FIRRM: variants seen among roughly 807,000 people sequenced by gnomAD.
FIRRM encodes the protein FIGNL1 interacting regulator of recombination and mitosis.
At chr1:169,818,629 T>C in the FIRRM span, among the ~76,000 whole-genome samples, 4 of 152,206 alleles carry the variant, frequency 2.6e-5, no homozygotes, top group Non-Finnish European at 4.4e-5. Context: ...ACAATACATA[T>C]AAATATACAG....
At chr1:169,828,723 A>T in the FIRRM span, among the ~76,000 whole-genome samples, 1 of 151,480 alleles carries the variant, frequency 6.6e-6, no homozygotes, top group African/African-American at 2.4e-5. Context: ...TAATTTTTAA[A>T]TTTTTTCTAG....
chr1:169,849,068 A>T, the FIRRM span, among the ~76,000 whole-genome samples: 35 of 152,260 alleles, frequency 2.3e-4, no homozygotes, highest in African/African-American at 8.4e-4. Context: ...GCAGTATATT[A>T]AATGGTGGTG....
At chr1:169,808,171 A>G in the FIRRM span, among the ~76,000 whole-genome samples, 1 of 152,022 alleles carries the variant, frequency 6.6e-6, no homozygotes, top group Non-Finnish European at 1.5e-5. Flanking sequence ...TTTGCTTGGT[A>G]ACTGGTTGGT....
chr1:169,811,869 T>TAGATTAGA, the FIRRM span, among the ~76,000 whole-genome samples: 1 of 142,702 alleles, frequency 7.0e-6, no homozygotes, highest in African/African-American at 2.7e-5. Context: ...GATAGATAGA[T>TAGATTAGA]TAGATAGATA....
At chr1:169,848,501 C>T in the FIRRM span, among the ~76,000 whole-genome samples, 3 of 152,172 alleles carry the variant, frequency 2.0e-5, no homozygotes, top group Non-Finnish European at 4.4e-5. Context: ...ACATTATAGA[C>T]AGTATCTCAG....
At chr1:169,798,276 C>T in the FIRRM span, among the ~76,000 whole-genome samples, 3 of 147,976 alleles carry the variant, frequency 2.0e-5, no homozygotes, top group African/African-American at 4.9e-5. Flanking sequence ...AAGACCGTCT[C>T]TCTTTTTTTT....
At chr1:169,803,016 A>G in the FIRRM span, among the ~76,000 whole-genome samples, 2 of 152,226 alleles carry the variant, frequency 1.3e-5, no homozygotes, top group African/African-American at 2.4e-5. Flanking sequence ...CAGTTGTTCC[A>G]GTATTTGTAG....
At chr1:169,784,858 T>A in the FIRRM span, 20 of 152,182 alleles carry the variant, frequency 1.3e-4, no homozygotes, top group Non-Finnish European at 2.6e-4. Flanking sequence ...TTCTTATAAG[T>A]GGTAATTTTT....
At chr1:169,830,860 GT>G in the FIRRM span, 3 of 980,014 alleles carry the variant, frequency 3.1e-6, no homozygotes, top group Non-Finnish European at 4.9e-6. Flanking sequence ...TAACAAGATT[GT>G]TTTGACAGTC....
the FIRRM span, chr1:169,827,803 T>C: frequency 1.2e-6 from 2 of 1,614,078 alleles, no homozygotes; most frequent in Non-Finnish European, 1.7e-6. Flanking sequence ...GCAAACCCTG[T>C]GGTGCACAGA....
chr1:169,798,080 A>G, the FIRRM span, among the ~76,000 whole-genome samples: 1 of 152,220 alleles, frequency 6.6e-6, no homozygotes, highest in Non-Finnish European at 1.5e-5. Context: ...TAAATTAAGT[A>G]CAATAGAAAT....
At chr1:169,789,861 A>G in the FIRRM span, among the ~76,000 whole-genome samples, 1 of 152,230 alleles carries the variant, frequency 6.6e-6, no homozygotes. Flanking sequence ...AATAAATAGT[A>G]CGAATTATTA....
the FIRRM span, among the ~76,000 whole-genome samples, chr1:169,789,606 C>T: frequency 6.6e-6 from 1 of 152,152 alleles, no homozygotes; most frequent in African/African-American, 2.4e-5. Flanking sequence ...ATTTACAAGA[C>T]GCACTCTTCT....
At chr1:169,837,205 C>T in the FIRRM span, 2 of 923,548 alleles carry the variant, frequency 2.2e-6, no homozygotes, top group Non-Finnish European at 3.0e-6. Context: ...ATAAGATGCA[C>T]ACACTCTCTG....
the FIRRM span, among the ~76,000 whole-genome samples, chr1:169,842,845 T>C: frequency 6.6e-6 from 1 of 152,224 alleles, no homozygotes; most frequent in African/African-American, 2.4e-5. Flanking sequence ...CTTAGGTTAA[T>C]GTATCCTATT....
the FIRRM span, chr1:169,849,405 A>C: frequency 1.1e-6 from 1 of 875,452 alleles, no homozygotes; most frequent in South Asian, 1.6e-5. Flanking sequence ...GGATTATGTT[A>C]ACTTGACAAC....
chr1:169,830,074 A>G, the FIRRM span, among the ~76,000 whole-genome samples: 1,472 of 152,302 alleles, frequency 9.7e-3, 23 homozygotes, highest in African/African-American at 0.033. Context: ...AATGTATAGT[A>G]GGTGCTCAAT....
the FIRRM span, among the ~76,000 whole-genome samples, chr1:169,841,275 C>A: frequency 6.6e-6 from 1 of 152,170 alleles, no homozygotes. Flanking sequence ...ATATGTTGAA[C>A]CAACCTTGCA....
At chr1:169,788,704 T>A in the FIRRM span, among the ~76,000 whole-genome samples, 1 of 152,126 alleles carries the variant, frequency 6.6e-6, no homozygotes, top group African/African-American at 2.4e-5. Flanking sequence ...AGCTACAGTA[T>A]CCCTGCGTCA....
Sources: gnomAD v4.1 joint callset for allele counts (sites outside exome capture counted in the v4.1 genomes callset) on GRCh38, gnomAD v4.1.1 for gene constraint, MANE v1.5 for transcripts, NCBI Gene and HGNC (gene_info 2026-07-23, HGNC 2026-07-21) for gene names.